The following TTC6 variants were observed in gnomAD, a reference collection of about 807,000 sequenced individuals.
TTC6 encodes tetratricopeptide repeat protein 6.
TTC6 carries 172 observed loss-of-function variants against 210.4 expected under a neutral mutation model. The observed-to-expected ratio is 0.82, with a 90% CI of 0.72 to 0.93. The LOEUF (loss-of-function observed/expected upper bound fraction) is 0.93. Among genes scored for constraint, TTC6 ranks in the 40% least tolerant of loss-of-function variants. The pLI is 0.00. For missense variants in TTC6, 2,414 were observed against 2,318.1 expected, an observed-to-expected ratio of 1.04 and a Z score of -0.85; for synonymous variants, 804 against 819.6, an observed-to-expected ratio of 0.98 and a Z score of 0.32.
At chr14:37,618,698 T>C (rs1266230392), upstream of TTC6, among the ~76,000 whole-genome samples, 1 of 152,220 alleles carries the variant, frequency 6.6e-6, no homozygotes, top group Non-Finnish European at 1.5e-5. Context: ...ACCACTCATC[T>C]TGAACGCACA....
At chr14:37,801,304 G>A (rs2096106058) in intron 20 of TTC6, among the ~76,000 whole-genome samples, 1 of 152,146 alleles carries the variant, frequency 6.6e-6, no homozygotes, top group African/African-American at 2.4e-5. Context: ...TAGATGTTGA[G>A]CTGATGCAAT....
At chr14:37,608,284 TTTTGTG>T (rs1304288528) in intron 2 of TTC6, among the ~76,000 whole-genome samples, 1 of 150,958 alleles carries the variant, frequency 6.6e-6, no homozygotes, top group South Asian at 2.1e-4. Flanking sequence ...TACAAGTTTT[TTTTGTG>T]TGTGTGTGTG....
At chr14:37,670,059 C>G (rs1489411330) in intron 1 of TTC6, among the ~76,000 whole-genome samples, 3 of 152,132 alleles carry the variant, frequency 2.0e-5, no homozygotes, top group African/African-American at 4.8e-5. Flanking sequence ...GAATCAATCA[C>G]TCTTCATCTT....
intron 1 of TTC6, among the ~76,000 whole-genome samples, chr14:37,645,533 A>G (rs372048752): frequency 6.6e-6 from 1 of 152,222 alleles, no homozygotes; most frequent in Non-Finnish European, 1.5e-5. Flanking sequence ...ACAGAGTGAT[A>G]GAATAATGGG....
At chr14:37,607,041 A>T (rs1371170497) in intron 2 of TTC6, among the ~76,000 whole-genome samples, 3 of 152,260 alleles carry the variant, frequency 2.0e-5, no homozygotes, top group Non-Finnish European at 1.5e-5. Context: ...CAAAGCACAT[A>T]CAACAGTCTT....
intron 1 of TTC6, among the ~76,000 whole-genome samples, chr14:37,674,391 T>G (rs2095764441): frequency 6.6e-6 from 1 of 152,166 alleles, no homozygotes; most frequent in African/African-American, 2.4e-5. Context: ...CAGAATAATG[T>G]CAAATTATGA....
chr14:37,796,042 A>G (rs1392384359), intron 18 of TTC6, among the ~76,000 whole-genome samples: 1 of 152,232 alleles, frequency 6.6e-6, no homozygotes, highest in South Asian at 2.1e-4. Context: ...AACATTTTAA[A>G]TGCAGATAAT....
chr14:37,739,587 AAAAG>A (rs1555393320), intron 10 of TTC6, among the ~76,000 whole-genome samples: 13 of 136,742 alleles, frequency 9.5e-5, no homozygotes, highest in Admixed American at 7.7e-4. Context: ...AAAAAAAAAA[AAAAG>A]AAAGACAAAC....
chr14:37,804,207 T>C (rs780558583), intron 20 of TTC6, among the ~76,000 whole-genome samples: 11 of 152,142 alleles, frequency 7.2e-5, no homozygotes, highest in South Asian at 2.1e-4. Flanking sequence ...TTGGTGCCAA[T>C]AAAACCCTAT....
chr14:37,827,329 C>G (rs2139515327), exon 29 of TTC6: 1 of 1,613,078 alleles, frequency 6.2e-7, no homozygotes, highest in Non-Finnish European at 8.5e-7. Flanking sequence ...TACTTTAATG[C>G]AGGAAATATC....
chr14:37,768,130 T>G (rs975518532), intron 14 of TTC6, among the ~76,000 whole-genome samples: 6 of 150,690 alleles, frequency 4.0e-5, no homozygotes, highest in Non-Finnish European at 6.0e-5. Context: ...GCGTTATTTC[T>G]GAGGGCTCTG....
chr14:37,640,617 A>G (rs556186947), intron 1 of TTC6, among the ~76,000 whole-genome samples: 1 of 152,050 alleles, frequency 6.6e-6, no homozygotes, highest in Non-Finnish European at 1.5e-5. Flanking sequence ...ATCTCGGCTC[A>G]CTGCAACCTC....
At chr14:37,830,863 A>T (rs1442321457) in intron 29 of TTC6, among the ~76,000 whole-genome samples, 2 of 152,130 alleles carry the variant, frequency 1.3e-5, no homozygotes, top group Non-Finnish European at 1.5e-5. Flanking sequence ...ATATGTGCAT[A>T]CAATGTGTAA....
intron 14 of TTC6, among the ~76,000 whole-genome samples, chr14:37,780,199 G>A (rs1332143793): frequency 1.3e-5 from 2 of 152,068 alleles, no homozygotes; most frequent in Admixed American, 1.3e-4. Context: ...TAAATACAAA[G>A]CTCTTCTATT....
chr14:37,625,734 C>T (rs1378197411), intron 1 of TTC6, among the ~76,000 whole-genome samples: 2 of 152,052 alleles, frequency 1.3e-5, no homozygotes, highest in Non-Finnish European at 2.9e-5. Flanking sequence ...AACTTGCAGC[C>T]ACATAGCAAT....
At chr14:37,755,180 T>C (rs2095963819) in intron 14 of TTC6, among the ~76,000 whole-genome samples, 1 of 152,222 alleles carries the variant, frequency 6.6e-6, no homozygotes, top group Non-Finnish European at 1.5e-5. Flanking sequence ...TTCATAAATG[T>C]CTTCTTTTGA....
At chr14:37,746,914 C>T (rs2095937751) in intron 10 of TTC6, among the ~76,000 whole-genome samples, 1 of 152,130 alleles carries the variant, frequency 6.6e-6, no homozygotes, top group Non-Finnish European at 1.5e-5. Context: ...CACTCTCATT[C>T]ATACCTCCTT....
chr14:37,719,967 A>G (rs548820328), intron 6 of TTC6, among the ~76,000 whole-genome samples: 1 of 152,360 alleles, frequency 6.6e-6, no homozygotes, highest in African/African-American at 2.4e-5. Flanking sequence ...AAGAATTAAT[A>G]TCAGAATACA....
chr14:37,799,498 A>G (rs935758995), intron 20 of TTC6, among the ~76,000 whole-genome samples: 1 of 152,040 alleles, frequency 6.6e-6, no homozygotes, highest in Non-Finnish European at 1.5e-5. Context: ...CCCTTGTGTG[A>G]CCTTGAGTGT....
Sources: gnomAD v4.1 joint callset for allele counts (sites outside exome capture counted in the v4.1 genomes callset) on GRCh38, gnomAD v4.1.1 for gene constraint, MANE v1.5 for transcripts, NCBI Gene and HGNC (gene_info 2026-07-23, HGNC 2026-07-21) for gene names.